Variants in RPS6KA1 observed in about 807,000 individuals in gnomAD.
RPS6KA1 encodes the protein ribosomal protein S6 kinase alpha-1.
RPS6KA1 carries 48 observed loss-of-function variants against 91.3 expected under a neutral mutation model. The observed-to-expected ratio is 0.53, with a 90% CI of 0.42 to 0.67. RPS6KA1 has a LOEUF of 0.67. Ranked by LOEUF, RPS6KA1 falls within the 30% of genes least tolerant of loss-of-function variation. The probability of loss-of-function intolerance (pLI) is 0.00; values close to 1 mark genes in which losing one functional copy is unlikely to be tolerated. For missense variants in RPS6KA1, 719 were observed against 960.5 expected (o/e 0.75, Z 3.32); for synonymous variants, 359 against 384.7 (o/e 0.93, Z 0.78).
intron 4 of RPS6KA1, among the ~76,000 whole-genome samples, chr1:26,548,955 G>C (rs546375868): frequency 1.3e-4 from 19 of 151,868 alleles, no homozygotes; most frequent in Non-Finnish European, 2.1e-4. Flanking sequence ...AGGTGTGTTG[G>C]AAGGCAGCTG....
chr1:26,555,547 G>A lies in RPS6KA1; in HGVS notation c.838G>A (p.Gly280Ser), dbSNP rs2124642978. ...CGGGGGCTGTTTCAGGGCGAAGCTA[G>A]GCATGCCCCAGTTTCTGAGCACTGA... ...TMTLILKAKLGMPQFLSTEAQ... is the reference protein window; with the variant it reads ...TMTLILKAKLSMPQFLSTEAQ... The change falls in exon 11 of 22, where the codon GGC becomes AGC. Residue 280 changes from glycine (G) to serine (S), a missense_variant. Physicochemically the swap from Gly to Ser is moderately conservative, Grantham distance 56. Transcript: ENST00000374168. The surrounding 1 kb of genome is among the most constrained non-coding windows in gnomAD (Gnocchi z 4.3). 1.3e-6 allele frequency: 2 copies of A among 1,594,450 alleles called. No individual in the cohort carries two copies. Among genetic ancestry groups the A allele is most frequent in the Non-Finnish European group, 1.7e-6 (2 of 1,169,550 alleles).
chr1:26,568,758 T>C (rs1175516635), intron 17 of RPS6KA1, among the ~76,000 whole-genome samples: 1 of 151,516 alleles, frequency 6.6e-6, no homozygotes, highest in African/African-American at 2.4e-5. Flanking sequence ...CTCAGAAAAA[T>C]AAATTAATTT....
Position 26,551,872 on chromosome 1 carries a change from C to A in RPS6KA1, c.468+149C>A. 1.5e-6 allele frequency: 1 copy of A among 682,992 alleles called. No individual in the cohort carries two copies. The highest frequency in any genetic ancestry group is 2.6e-6 in the Non-Finnish European group (1 of 387,630). The allele number at this position is 682,992 out of a possible 1,614,324, so 42.3% of individuals were successfully genotyped here. A position where few individuals can be genotyped will look rare whatever the true frequency, so the allele number is the denominator to read the frequency against. ...CTAGCAGCCCCTGGCCCAGGAAATA[C>A]CACGCACCCTGGAATGGAGGCCATA... On this transcript the variant is annotated intron_variant, in intron 6 of 21. Transcript: ENST00000374168. This position sits in a 1 kb window ranked among gnomAD's most constrained non-coding sequence, Gnocchi z 4.5.
chr1:26,540,318 G>A lies in RPS6KA1; in HGVS notation c.108+3349G>A, dbSNP rs1294786994. Among the ~76,000 whole-genome samples, 1 of 152,190 alleles carries A rather than the reference G, an allele frequency of 6.6e-6. No individual in the cohort carries two copies. Among genetic ancestry groups the A allele is most frequent in the Non-Finnish European group, 1.5e-5 (1 of 68,032 alleles). On this transcript the variant is annotated intron_variant, in intron 2 of 21. Coordinates refer to ENST00000374168, the MANE Select transcript of RPS6KA1 (RefSeq NM_002953.4). The surrounding 1 kb of genome is among the most constrained non-coding windows in gnomAD (Gnocchi z 4.2). ...AAACAGATTTGCCCGGGAGCACCCA[G>A]CTAGTGAGTGGCCAGCTCTTCCTGA... is the stretch of plus-strand genomic sequence containing the variant.
chr1:26,536,408 A>C (rs1433434723), intron 1 of RPS6KA1, among the ~76,000 whole-genome samples: 1 of 152,192 alleles, frequency 6.6e-6, no homozygotes, highest in Non-Finnish European at 1.5e-5. Context: ...GGGGTCCCAG[A>C]GTGGGGCAGG....
chr1:26,556,227 G>T (rs933376551), intron 11 of RPS6KA1: 1 of 223,484 alleles, frequency 4.5e-6, no homozygotes, highest in Non-Finnish European at 9.0e-6. Context: ...GACCAGCTGT[G>T]TAAGGTCCAG....
intron 12 of RPS6KA1, 90 bp from the exon 13 acceptor site, chr1:26,556,908 T>C: frequency 8.2e-7 from 1 of 1,216,202 alleles, no homozygotes; most frequent in Middle Eastern, 1.9e-4. Context: ...ATATGGCCTA[T>C]GTTCCAAGCC....
intron 1 of RPS6KA1, among the ~76,000 whole-genome samples, chr1:26,535,272 A>AG (rs1345183709): frequency 2.6e-5 from 4 of 151,850 alleles, no homozygotes; most frequent in Non-Finnish European, 4.4e-5. Flanking sequence ...AAAGGGGCTC[A>AG]GGGGGCAGGA....
intron 1 of RPS6KA1, among the ~76,000 whole-genome samples, chr1:26,534,219 GA>G (rs1206056916): frequency 3.3e-5 from 5 of 152,192 alleles, no homozygotes; most frequent in Non-Finnish European, 5.9e-5. Flanking sequence ...AGCCTCATCT[GA>G]AAAATAGGAG....
At chr1:26,546,745 A>C in intron 2 of RPS6KA1, 122 bp from the exon 3 acceptor site, 1 of 690,892 alleles carries the variant, frequency 1.4e-6, no homozygotes, top group Non-Finnish European at 2.5e-6. Flanking sequence ...CCCTTCAGGG[A>C]AGTCGTCTAT....
At chr1:26,549,881 T>C (rs1397201972) in intron 4 of RPS6KA1, among the ~76,000 whole-genome samples, 1 of 148,236 alleles carries the variant, frequency 6.7e-6, no homozygotes, top group African/African-American at 2.5e-5. Flanking sequence ...TTTGTATATA[T>C]ATTTTTTTCT....
chr1:26,530,721 A>G (rs1196653898), intron 1 of RPS6KA1: 13 of 1,274,776 alleles, frequency 1.0e-5, no homozygotes, highest in Non-Finnish European at 1.3e-5. Flanking sequence ...GACTCCCCAG[A>G]CAACCCAGCT....
At chr1:26,563,525 C>A (rs964242841) in intron 17 of RPS6KA1, among the ~76,000 whole-genome samples, 2 of 152,172 alleles carry the variant, frequency 1.3e-5, no homozygotes, top group Non-Finnish European at 2.9e-5. Flanking sequence ...CCTTACCCAG[C>A]CTCTTTTCTT....
At chr1:26,565,263 G>A (rs140501377) in intron 17 of RPS6KA1, among the ~76,000 whole-genome samples, 95 of 152,306 alleles carry the variant, frequency 6.2e-4, no homozygotes, top group African/African-American at 2.1e-3. Context: ...GAATCCCACA[G>A]GAGCTGAGGG....
rs143058594 is a variant in RPS6KA1 at position 26,545,220 on chromosome 1, A to G, written c.109-1647A>G. ...AGTCTTGCTCTGCCACCCAGGCTGG[A>G]GTGCAGTGGCGCTATCTCGGCTCAC... On this transcript the variant is annotated intron_variant, in intron 2 of 21. Coordinates refer to ENST00000374168, the MANE Select transcript of RPS6KA1 (RefSeq NM_002953.4). Among the ~76,000 whole-genome samples the G allele has an allele frequency of 6.5e-3, 950 of 146,342 alleles. 8 individuals are homozygous for G. The highest frequency in any genetic ancestry group is 0.023 in the African/African-American group (907 of 38,958).
chr1:26,549,915 C>T (rs1403033296), intron 4 of RPS6KA1, among the ~76,000 whole-genome samples: 1 of 149,742 alleles, frequency 6.7e-6, no homozygotes, highest in Non-Finnish European at 1.5e-5. Flanking sequence ...GTTTCACTCT[C>T]GTTGCCCAGA....
rs150599386 is a variant in RPS6KA1, at chr1:26,534,426, G to C, written c.64-2499G>C. On this transcript the variant is annotated intron_variant, in intron 1 of 21. Coordinates refer to ENST00000374168, the MANE Select transcript of RPS6KA1 (RefSeq NM_002953.4). ...GAAAGAACATGAGGCTGTGTGGACA[G>C]GGGTGACATTTGAATTCAGTCCTGA... Among the ~76,000 whole-genome samples the C allele has an allele frequency of 3.7e-3, 568 of 152,246 alleles. 2 individuals carry two copies. Among genetic ancestry groups the C allele is most frequent in the Middle Eastern group, 0.014 (4 of 294 alleles).
At chr1:26,569,413 A>G (rs2076231483) in intron 17 of RPS6KA1, among the ~76,000 whole-genome samples, 1 of 152,088 alleles carries the variant, frequency 6.6e-6, no homozygotes, top group South Asian at 2.1e-4. Flanking sequence ...TGCTGTGGGC[A>G]TACGATTGTG....
rs1036670915 is a variant in RPS6KA1 at position 26,547,056 on chromosome 1, G to A, written c.225+73G>A. The A allele has an allele frequency of 1.1e-4, 161 of 1,518,972 alleles. No individual in the cohort carries two copies. Among genetic ancestry groups the A allele is most frequent in the Middle Eastern group, 1.7e-4 (1 of 5,922 alleles). 94.1% of individuals were successfully genotyped at this position (1,518,972 alleles called of 1,614,324 possible). On this transcript the variant is annotated intron_variant, in intron 3 of 21. Coordinates refer to ENST00000374168, the MANE Select transcript of RPS6KA1 (RefSeq NM_002953.4). This position sits in a 1 kb window ranked among gnomAD's most constrained non-coding sequence, Gnocchi z 4.1. ...GGTGGGGGTCAAGGGTCACCTAGGGGCCCAAAGGATCAGAGGTCACCTTGG... is the reference window on the plus strand; with the variant it reads ...GGTGGGGGTCAAGGGTCACCTAGGGACCCAAAGGATCAGAGGTCACCTTGG...
Sources: gnomAD v4.1 joint callset for allele counts (sites outside exome capture counted in the v4.1 genomes callset) on GRCh38, gnomAD v4.1.1 for gene constraint, Gnocchi (gnomAD v3.1) non-coding constraint, MANE v1.5 for transcripts, NCBI Gene and HGNC (gene_info 2026-07-23, HGNC 2026-07-21) for gene names.